COL4A1: variants seen among roughly 807,000 people sequenced by gnomAD.
The protein encoded by COL4A1 is collagen alpha-1(IV) chain.
In COL4A1, 40 loss-of-function variants were observed where a neutral mutation model predicts 216.6. The observed-to-expected ratio is 0.18, with a 90% CI of 0.14 to 0.24. COL4A1 has a LOEUF of 0.24. COL4A1 is among the 10% of genes least tolerant of loss of function. The pLI is 1.00. For synonymous variants in COL4A1, 839 were observed against 810.7 expected (o/e 1.03, Z -0.59); for missense variants, 1,628 against 2,196.8 (o/e 0.74, Z 5.18).
intron 12 of COL4A1, among the ~76,000 whole-genome samples, chr13:110,208,571 G>C (rs758188939): frequency 2.6e-5 from 4 of 152,332 alleles, no homozygotes; most frequent in Admixed American, 6.5e-5. Context: ...CACTGACGAA[G>C]AAGAGTTTGA....
At chr13:110,252,150 A>C (rs938133280) in intron 1 of COL4A1, among the ~76,000 whole-genome samples, 1 of 151,958 alleles carries the variant, frequency 6.6e-6, no homozygotes, top group Admixed American at 6.6e-5. Flanking sequence ...CAGCCTCCCA[A>C]GTAGCTGGGA....
intron 1 of COL4A1, among the ~76,000 whole-genome samples, chr13:110,296,175 G>A (rs1049129411): frequency 2.0e-5 from 3 of 152,320 alleles, no homozygotes; most frequent in South Asian, 2.1e-4. Context: ...GTGAAGCTAC[G>A]GAGATTCTGC....
At chr13:110,305,268 T>TAATTGA (rs1047782012) in intron 1 of COL4A1, among the ~76,000 whole-genome samples, 2 of 152,232 alleles carry the variant, frequency 1.3e-5, no homozygotes, top group African/African-American at 4.8e-5. Context: ...GCCGGGAATG[T>TAATTGA]AATTGAGCTT....
chr13:110,228,433 G>A (rs573877395), intron 2 of COL4A1, among the ~76,000 whole-genome samples: 13 of 152,256 alleles, frequency 8.5e-5, no homozygotes, highest in East Asian at 3.9e-4. Context: ...CTGGCCCGTC[G>A]CACCCAGCAG....
At chr13:110,288,890 G>C (rs565288213) in intron 1 of COL4A1, among the ~76,000 whole-genome samples, 1 of 152,186 alleles carries the variant, frequency 6.6e-6, no homozygotes, top group South Asian at 2.1e-4. Flanking sequence ...AAATTAGCTG[G>C]GTGTGGTGGC....
chr13:110,242,636 T>G (rs1881616196), intron 2 of COL4A1, 39 bp downstream of exon 2: 1 of 1,609,252 alleles, frequency 6.2e-7, no homozygotes, highest in Non-Finnish European at 8.5e-7. Flanking sequence ...ACTGTCCAAT[T>G]CACAAAGAAA....
chr13:110,293,726 C>A (rs574396238), intron 1 of COL4A1, among the ~76,000 whole-genome samples: 9 of 152,272 alleles, frequency 5.9e-5, no homozygotes, highest in African/African-American at 2.2e-4. Context: ...TATTTTCCAC[C>A]AAAAAGGCTC....
chr13:110,212,780 T>C (rs576609219), intron 4 of COL4A1, among the ~76,000 whole-genome samples, 162 bp from the exon 5 acceptor site: 1 of 152,062 alleles, frequency 6.6e-6, no homozygotes, highest in Admixed American at 6.6e-5. Context: ...GGGCACAGCC[T>C]AGGGCAGATG....
chr13:110,206,983 C>G, intron 13 of COL4A1, 92 bp from the exon 14 acceptor site: 2 of 1,300,926 alleles, frequency 1.5e-6, no homozygotes, highest in African/African-American at 3.0e-5. Context: ...AAAAAAAAAC[C>G]TTTTTCTGAT....
intron 1 of COL4A1, among the ~76,000 whole-genome samples, chr13:110,260,974 T>C (rs1882794499): frequency 1.6e-5 from 2 of 126,064 alleles, no homozygotes; most frequent in Non-Finnish European, 3.1e-5. Flanking sequence ...GAAGTGGAGC[T>C]TGCAGTGAGC....
At chr13:110,206,949 G>A in intron 13 of COL4A1, 58 bp from the exon 14 acceptor site, 1 of 1,563,736 alleles carries the variant, frequency 6.4e-7, no homozygotes, top group Non-Finnish European at 8.8e-7. Context: ...TTTGTTATAT[G>A]CTGCATTAAA....
intron 1 of COL4A1, among the ~76,000 whole-genome samples, chr13:110,255,099 A>G (rs974488074): frequency 6.6e-6 from 1 of 152,228 alleles, no homozygotes; most frequent in Non-Finnish European, 1.5e-5. Context: ...TCTGTGTGCC[A>G]GCAGAACAGC....
Position 110,163,468 on chromosome 13 carries a change from G to C in COL4A1, c.4244C>G (p.Pro1415Arg), listed in dbSNP as rs1594537533. The change falls in exon 47 of 52, where the codon CCT (proline) becomes CGT (arginine). Residue 1415 changes from proline to arginine, a missense_variant. Pro to Arg is a moderately radical substitution (Grantham distance 103). This residue lies in a region of COL4A1 where 23 missense variants were observed against 55.3 expected (regional missense o/e 0.42). Transcript: ENST00000375820. ...TTGGAAGTTTCGCAACCTACCAGTA[G>C]GCCCGGCAGGTCCCATCTCTCCTTT... ...GQKGEMGPAGPTGPRGFPGPP... is the reference protein window; with the variant it reads ...GQKGEMGPAGRTGPRGFPGPP... 2 of 1,614,012 alleles carry C rather than the reference G, an allele frequency of 1.2e-6. No homozygotes were observed. The highest frequency in any genetic ancestry group is 4.5e-5 in the East Asian group (2 of 44,882).
intron 31 of COL4A1, 70 bp downstream of exon 31, chr13:110,178,853 C>G: frequency 8.4e-7 from 1 of 1,193,576 alleles, no homozygotes; most frequent in Non-Finnish European, 1.2e-6. Flanking sequence ...ATAGGGACCC[C>G]GGCCTCATCC....
intron 17 of COL4A1, among the ~76,000 whole-genome samples, 170 bp downstream of exon 17, chr13:110,205,183 T>TA (rs1293463932): frequency 6.6e-6 from 1 of 152,250 alleles, no homozygotes; most frequent in African/African-American, 2.4e-5. Flanking sequence ...TTTTATTTTG[T>TA]AAAAAATCAT....
intron 2 of COL4A1, among the ~76,000 whole-genome samples, chr13:110,227,213 G>A (rs1182733476): frequency 1.3e-5 from 2 of 152,058 alleles, no homozygotes; most frequent in African/African-American, 4.8e-5. Context: ...TCTTCGGCTA[G>A]AAACTAAGAT....
In COL4A1 at chr13:110,176,892, T is replaced by C. The variant is rs373590636; in HGVS notation, c.2862A>G (p.Gly954=). The change falls in exon 34 of 52, where the codon GGA becomes GGG. Residue 954 remains glycine, a synonymous_variant. Coordinates refer to ENST00000375820, the MANE Select transcript of COL4A1 (RefSeq NM_001845.6). ...GAAGCCTCCTGGACTTGCCTTTCTCTCCTTGGTCTCCTTTCTGGCCCTTCA... is the reference window on the plus strand; with the variant it reads ...GAAGCCTCCTGGACTTGCCTTTCTCCCCTTGGTCTCCTTTCTGGCCCTTCA... ...GSMKGQKGDQ[G]EKGQIGPIGE... 2.0e-5 allele frequency: 33 copies of C among 1,614,210 alleles called. 1 individual carries two copies. The highest frequency in any genetic ancestry group is 5.3e-5 in the African/African-American group (4 of 75,060).
At chr13:110,186,168 T>C (rs999762642) in intron 26 of COL4A1, among the ~76,000 whole-genome samples, 9 of 152,196 alleles carry the variant, frequency 5.9e-5, no homozygotes, top group African/African-American at 2.2e-4. Flanking sequence ...TAAACCCAAG[T>C]TCTCCACCTG....
At chr13:110,246,288 G>C (rs1461601162) in intron 1 of COL4A1, among the ~76,000 whole-genome samples, 2 of 151,792 alleles carry the variant, frequency 1.3e-5, no homozygotes, top group African/African-American at 4.8e-5. Flanking sequence ...GCCCGTGCTG[G>C]GTTTCACCCT....
Sources: allele counts gnomAD v4.1 joint callset (sites outside exome capture counted in the v4.1 genomes callset), GRCh38; gene constraint gnomAD v4.1.1; regional missense constraint gnomAD v4.1.1; transcripts MANE v1.5; gene names NCBI Gene and HGNC (gene_info 2026-07-23, HGNC 2026-07-21).